NCKAP5: variants seen among roughly 807,000 people sequenced by gnomAD.
The protein encoded by NCKAP5 is NCK associated protein 5.
In NCKAP5, 92 loss-of-function variants were observed where a neutral mutation model predicts 167.0. The ratio of observed to expected loss-of-function variants is 0.55; its 90% CI spans 0.47 to 0.66. The LOEUF is 0.66. NCKAP5 is among the 30% of genes least tolerant of loss of function. NCKAP5 has a pLI of 0.00. For missense variants in NCKAP5, 2,378 were observed against 2,315.0 expected, an observed-to-expected ratio of 1.03 and a Z score of -0.56; for synonymous variants, 891 against 877.4, an observed-to-expected ratio of 1.02 and a Z score of -0.27.
chr2:133,308,689 CTTTTTTTTTT>C (rs35760716), intron 3 of NCKAP5, among the ~76,000 whole-genome samples: 1,814 of 59,086 alleles, frequency 0.031, 34 homozygotes, highest in African/African-American at 0.1. Context: ...AAATACAATT[CTTTTTTTTTT>C]TTTTTTTTTT....
chr2:132,966,430 T>C (rs2076669452), intron 7 of NCKAP5, among the ~76,000 whole-genome samples: 1 of 152,194 alleles, frequency 6.6e-6, no homozygotes, highest in African/African-American at 2.4e-5. Context: ...CAATAAGTCT[T>C]GATGTCTTTG....
At chr2:132,856,547 T>C (rs758953348) in intron 11 of NCKAP5, among the ~76,000 whole-genome samples, 14 of 152,158 alleles carry the variant, frequency 9.2e-5, no homozygotes, top group Non-Finnish European at 1.8e-4. Context: ...AGGATATCAG[T>C]AGTAGGACTT....
chr2:133,578,457 CCTCCAG>C, the NCKAP5 span, among the ~76,000 whole-genome samples: 1 of 152,206 alleles, frequency 6.6e-6, no homozygotes, highest in Non-Finnish European at 1.5e-5. Flanking sequence ...GAGCAGGAAG[CCTCCAG>C]CTGCCAGCTC....
chr2:133,333,337 G>T (rs774406151), intron 3 of NCKAP5, among the ~76,000 whole-genome samples: 1 of 152,120 alleles, frequency 6.6e-6, no homozygotes, highest in Non-Finnish European at 1.5e-5. Context: ...GTCAGCAGAG[G>T]GTATGATACA....
chr2:133,276,580 C>T (rs1447182414), intron 4 of NCKAP5, among the ~76,000 whole-genome samples: 2 of 151,750 alleles, frequency 1.3e-5, no homozygotes, highest in Non-Finnish European at 2.9e-5. Context: ...AAAATACCAC[C>T]CCACAAAAAC....
rs151027101 is a variant in NCKAP5, at chr2:133,322,428, CATG to C, written c.70-19321_70-19319del. Among the ~76,000 whole-genome samples the C allele has an allele frequency of 3.6e-3, 547 of 152,288 alleles. 1 individual carries two copies. The highest frequency in any genetic ancestry group is 0.012 in the African/African-American group (519 of 41,574). ...AAGATAATTGATAAACTACATTTTA[CATG>C]ATACTTTATTTTCAACACTCCATTA... On this transcript the variant is annotated intron_variant, in intron 3 of 19. Transcript: ENST00000409261.
chr2:133,467,016 G>C lies in NCKAP5; in HGVS notation c.69+50442C>G, dbSNP rs572057977. Reference sequence around the variant, plus strand: ...TACCCTTTATTTCCTTCTCCTGCCTGATTGCCCTGGCCAGAACTTCCAACA... The same window carrying C: ...TACCCTTTATTTCCTTCTCCTGCCTCATTGCCCTGGCCAGAACTTCCAACA... On this transcript the variant is annotated intron_variant, in intron 3 of 19. Coordinates refer to ENST00000409261, the MANE Select transcript of NCKAP5 (RefSeq NM_207363.3). Among the ~76,000 whole-genome samples, 1,180 of 151,866 alleles carry C rather than the reference G, an allele frequency of 7.8e-3. 12 individuals are homozygous for C. The highest frequency in any genetic ancestry group is 0.026 in the African/African-American group (1,094 of 41,410).
chr2:133,145,237 C>A (rs982781646), intron 5 of NCKAP5, among the ~76,000 whole-genome samples: 1 of 152,036 alleles, frequency 6.6e-6, no homozygotes, highest in Admixed American at 6.6e-5. Context: ...CCTCTCTCTA[C>A]CAAAAGTTTT....
intron 6 of NCKAP5, among the ~76,000 whole-genome samples, chr2:133,021,621 T>A (rs2078530932): frequency 1.3e-5 from 2 of 152,294 alleles, no homozygotes; most frequent in Admixed American, 6.5e-5. Context: ...TAAACTCTAG[T>A]TTTTTTATTG....
intron 7 of NCKAP5, among the ~76,000 whole-genome samples, chr2:132,991,503 T>C (rs2077446310): frequency 6.6e-6 from 1 of 152,110 alleles, no homozygotes; most frequent in Non-Finnish European, 1.5e-5. Flanking sequence ...AAGCTATAAA[T>C]TACACAAGCA....
intron 3 of NCKAP5, among the ~76,000 whole-genome samples, chr2:133,423,383 G>A (rs942190806): frequency 1.3e-5 from 2 of 152,110 alleles, no homozygotes; most frequent in African/African-American, 4.8e-5. Flanking sequence ...TAATACATTC[G>A]CATTGAATGT....
At chr2:133,135,737 T>G (rs2082765878) in intron 5 of NCKAP5, among the ~76,000 whole-genome samples, 1 of 152,156 alleles carries the variant, frequency 6.6e-6, no homozygotes, top group Non-Finnish European at 1.5e-5. Context: ...TAAGCCAGTT[T>G]CCTCTGCATA....
At chr2:132,816,052 C>T (rs1350423976) in intron 11 of NCKAP5, among the ~76,000 whole-genome samples, 1 of 152,130 alleles carries the variant, frequency 6.6e-6, no homozygotes, top group African/African-American at 2.4e-5. Context: ...GGGCAAGCCA[C>T]TTCATCTTTT....
At chr2:132,722,533 T>A (rs565704905) in intron 19 of NCKAP5, among the ~76,000 whole-genome samples, 245 of 152,172 alleles carry the variant, frequency 1.6e-3, no homozygotes, top group Non-Finnish European at 2.5e-3. Context: ...TGGGCTACAC[T>A]CCCTCCCTTC....
intron 3 of NCKAP5, among the ~76,000 whole-genome samples, chr2:133,409,121 A>T (rs1002061934): frequency 2.0e-5 from 3 of 152,238 alleles, no homozygotes; most frequent in African/African-American, 7.2e-5. Flanking sequence ...AAATATTTAG[A>T]TTCTTTTTGG....
intron 3 of NCKAP5, among the ~76,000 whole-genome samples, chr2:133,393,114 A>G (rs1043314536): frequency 6.6e-6 from 1 of 152,186 alleles, no homozygotes; most frequent in Non-Finnish European, 1.5e-5. Context: ...TTTGGAAACT[A>G]GACTTTTGGA....
rs150503217 is a variant in NCKAP5 at position 133,039,623 on chromosome 2, C to G, written c.342-45384G>C. On this transcript the variant is annotated intron_variant, in intron 6 of 19. Transcript: ENST00000409261. The stretch of plus-strand genomic sequence containing the variant: ...AGATTAGGAACACATTATCCTACAG[C>G]CTGTACATAAACACACTAAACTTTT... Among the ~76,000 whole-genome samples, 219 of 152,266 alleles carry G rather than the reference C, an allele frequency of 1.4e-3. 8 individuals carry two copies. The highest frequency in any genetic ancestry group is 0.013 in the Admixed American group (194 of 15,290).
At chr2:132,687,757 C>CACA (rs1558922345) in intron 19 of NCKAP5, among the ~76,000 whole-genome samples, 4 of 109,272 alleles carry the variant, frequency 3.7e-5, no homozygotes, top group Non-Finnish European at 7.3e-5. Context: ...ACACACACAC[C>CACA]CTTCCTCTGA....
chr2:133,234,147 G>C (rs1040283130), intron 4 of NCKAP5, among the ~76,000 whole-genome samples: 2 of 152,190 alleles, frequency 1.3e-5, no homozygotes, highest in East Asian at 3.8e-4. Flanking sequence ...AGAAGTGCCA[G>C]AATGTCAGGA....
Sources: gnomAD v4.1 joint callset for allele counts (sites outside exome capture counted in the v4.1 genomes callset) on GRCh38, gnomAD v4.1.1 for gene constraint, MANE v1.5 for transcripts, NCBI Gene and HGNC (gene_info 2026-07-23, HGNC 2026-07-21) for gene names.